The following TMEM132D variants were observed in gnomAD, a reference collection of about 807,000 sequenced individuals.
The protein encoded by TMEM132D is transmembrane protein 132D.
In TMEM132D, 21 loss-of-function variants were observed where a neutral mutation model predicts 62.3. The ratio of observed to expected loss-of-function variants is 0.34; its 90% CI spans 0.24 to 0.49. The LOEUF is 0.49. TMEM132D is among the 20% of genes least tolerant of loss of function. The pLI, the probability that TMEM132D is intolerant of heterozygous loss-of-function variation, is 0.99. For missense variants in TMEM132D, 1,346 were observed against 1,402.8 expected (o/e 0.96, Z 0.65); for synonymous variants, 621 against 575.6 (o/e 1.08, Z -1.13).
chr12:129,819,010 G>C (rs185181197), intron 1 of TMEM132D, among the ~76,000 whole-genome samples: 1 of 151,976 alleles, frequency 6.6e-6, no homozygotes, highest in Admixed American at 6.6e-5. Context: ...ACTCCAGACT[G>C]GGTGACAGAG....
intron 4 of TMEM132D, among the ~76,000 whole-genome samples, chr12:129,320,137 A>T (rs1195096330): frequency 2.0e-5 from 3 of 152,204 alleles, no homozygotes; most frequent in Non-Finnish European, 4.4e-5. Flanking sequence ...GGGGTTAATC[A>T]AAATAGGGTG....
intron 1 of TMEM132D, among the ~76,000 whole-genome samples, chr12:129,808,269 A>C (rs1872058502): frequency 6.6e-6 from 1 of 152,230 alleles, no homozygotes; most frequent in Admixed American, 6.5e-5. Flanking sequence ...AGCAGAAGTC[A>C]ATATTATTAG....
At chr12:129,142,993 G>A (rs1003214019) in intron 5 of TMEM132D, among the ~76,000 whole-genome samples, 6 of 151,998 alleles carry the variant, frequency 3.9e-5, no homozygotes, top group African/African-American at 1.4e-4. Context: ...ATCAAAACAA[G>A]CATCAACACA....
At chr12:129,766,117 C>G (rs1456380531) in intron 1 of TMEM132D, among the ~76,000 whole-genome samples, 3 of 152,132 alleles carry the variant, frequency 2.0e-5, no homozygotes, top group Admixed American at 6.5e-5. Flanking sequence ...TACACATTGT[C>G]CAGGAAAGTT....
chr12:129,132,204 T>A (rs929878889), intron 5 of TMEM132D, among the ~76,000 whole-genome samples: 2 of 152,204 alleles, frequency 1.3e-5, no homozygotes, highest in Non-Finnish European at 2.9e-5. Flanking sequence ...AAAAGGAGAC[T>A]CTGTAATATC....
chr12:129,112,200 G>A (rs1875724444), intron 5 of TMEM132D, among the ~76,000 whole-genome samples: 1 of 152,168 alleles, frequency 6.6e-6, no homozygotes, highest in Non-Finnish European at 1.5e-5. Context: ...ACAAAGATTG[G>A]GTATATTAGT....
intron 3 of TMEM132D, among the ~76,000 whole-genome samples, chr12:129,405,556 A>C (rs11612118): frequency 2.3e-3 from 357 of 152,200 alleles, no homozygotes; most frequent in Middle Eastern, 0.014. Context: ...GGAGGTCCTG[A>C]GTGGCCCCAC....
intron 3 of TMEM132D, among the ~76,000 whole-genome samples, chr12:129,373,544 A>G (rs1172680722): frequency 6.6e-6 from 1 of 152,148 alleles, no homozygotes; most frequent in Non-Finnish European, 1.5e-5. Context: ...AGGCAGGAGA[A>G]TGGCGTGAAC....
rs574493541 is a variant in TMEM132D, at chr12:129,252,840, G to A, written c.1300-43177C>T. 8.6e-3 allele frequency among the ~76,000 whole-genome samples: 1,300 copies of A among 151,862 alleles called. 19 individuals carry two copies. The highest frequency in any genetic ancestry group is 0.03 in the African/African-American group (1,231 of 41,372). ...GATTAAGAAAATGTGGCACATATAC[G>A]CCATGGAATACTATGCAGCCATAAA... is the stretch of plus-strand genomic sequence containing the variant. On this transcript the variant is annotated intron_variant, in intron 4 of 8. Coordinates refer to ENST00000422113, the MANE Select transcript of TMEM132D (RefSeq NM_133448.3).
At chr12:129,492,979 G>T (rs552796254) in intron 3 of TMEM132D, among the ~76,000 whole-genome samples, 1 of 152,024 alleles carries the variant, frequency 6.6e-6, no homozygotes, top group African/African-American at 2.4e-5. Flanking sequence ...AAGTCACCCC[G>T]CGGAACCTCC....
chr12:129,868,243 T>C (rs1874123348), intron 1 of TMEM132D, among the ~76,000 whole-genome samples: 1 of 152,034 alleles, frequency 6.6e-6, no homozygotes, highest in Non-Finnish European at 1.5e-5. Context: ...AGGCAGCGTT[T>C]CTAGGGAACA....
intron 1 of TMEM132D, among the ~76,000 whole-genome samples, chr12:129,719,527 C>A (rs2137242805): frequency 6.6e-6 from 1 of 152,234 alleles, no homozygotes; most frequent in African/African-American, 2.4e-5. Context: ...GCAGGGAAAC[C>A]CTGTTTATTT....
intron 5 of TMEM132D, chr12:129,084,984 C>T: frequency 1.9e-6 from 1 of 522,998 alleles, no homozygotes; most frequent in South Asian, 3.0e-5. Flanking sequence ...GTGTTGCCGA[C>T]AGCTCCTGCC....
chr12:129,606,435 G>T (rs375264518), intron 2 of TMEM132D, among the ~76,000 whole-genome samples: 8 of 152,148 alleles, frequency 5.3e-5, no homozygotes, highest in Admixed American at 1.3e-4. Context: ...ACACAGAGAA[G>T]CAGCTAAGAT....
At chr12:129,679,111 T>G (rs1880713753) in intron 2 of TMEM132D, among the ~76,000 whole-genome samples, 1 of 151,950 alleles carries the variant, frequency 6.6e-6, no homozygotes, top group Admixed American at 6.6e-5. Flanking sequence ...AATTAACTTG[T>G]CAAGTTCCCT....
At chr12:129,314,267 T>C (rs1868407695) in intron 4 of TMEM132D, among the ~76,000 whole-genome samples, 1 of 152,244 alleles carries the variant, frequency 6.6e-6, no homozygotes, top group Admixed American at 6.5e-5. Context: ...TTTAAGTCCT[T>C]AATCCATCCT....
chr12:129,154,591 T>C (rs118072294), intron 5 of TMEM132D, among the ~76,000 whole-genome samples: 1,969 of 152,334 alleles, frequency 0.013, 53 homozygotes, highest in East Asian at 0.11. Flanking sequence ...TAAAACTTAA[T>C]AACGATGATA....
intron 2 of TMEM132D, among the ~76,000 whole-genome samples, chr12:129,663,745 TA>T (rs770968750): frequency 1.3e-5 from 2 of 152,078 alleles, no homozygotes; most frequent in Non-Finnish European, 2.9e-5. Flanking sequence ...GCGACCCAAG[TA>T]AAGAAACAAG....
At chr12:129,770,831 T>C (rs1377927301) in intron 1 of TMEM132D, among the ~76,000 whole-genome samples, 1 of 152,256 alleles carries the variant, frequency 6.6e-6, no homozygotes, top group East Asian at 1.9e-4. Flanking sequence ...AAAATGGTTG[T>C]ATGGCTGCTC....
Sources: gnomAD v4.1 joint callset for allele counts (sites outside exome capture counted in the v4.1 genomes callset) on GRCh38, gnomAD v4.1.1 for gene constraint, MANE v1.5 for transcripts, NCBI Gene and HGNC (gene_info 2026-07-23, HGNC 2026-07-21) for gene names.